SPATS2: variants seen among roughly 807,000 people sequenced by gnomAD.
The protein encoded by SPATS2 is spermatogenesis associated serine rich 2.
Under a neutral mutation model 63.7 loss-of-function variants are expected in SPATS2, and 38 were observed. The ratio of observed to expected loss-of-function variants is 0.60; its 90% CI spans 0.46 to 0.78. The LOEUF is 0.78. Among genes scored for constraint, SPATS2 ranks in the 30% least tolerant of loss-of-function variants. SPATS2 has a pLI of 0.00. For synonymous variants in SPATS2, 207 were observed against 232.9 expected, an observed-to-expected ratio of 0.89 and a Z score of 1.01; for missense variants, 588 against 666.2, an observed-to-expected ratio of 0.88 and a Z score of 1.29.
At chr12:49,423,987 G>C (rs1338929162) in intron 2 of SPATS2, among the ~76,000 whole-genome samples, 1 of 152,126 alleles carries the variant, frequency 6.6e-6, no homozygotes, top group Non-Finnish European at 1.5e-5. Flanking sequence ...CAAATCACTT[G>C]AGGTTAGGAG....
At chr12:49,498,139 A>ATATATATATATATATAT (rs1555191141) in intron 8 of SPATS2, among the ~76,000 whole-genome samples, 8 of 84,246 alleles carry the variant, frequency 9.5e-5, no homozygotes, top group African/African-American at 5.1e-4. Context: ...AGCCAAAAAA[A>ATATATATATATATATAT]AAAAAAATAT....
At chr12:49,427,984 G>A (rs939647739) in intron 2 of SPATS2, among the ~76,000 whole-genome samples, 11 of 151,508 alleles carry the variant, frequency 7.3e-5, no homozygotes, top group East Asian at 5.8e-4. Flanking sequence ...GGCCGGGCGC[G>A]GTGGCTCATG....
intron 2 of SPATS2, among the ~76,000 whole-genome samples, chr12:49,406,794 C>T (rs750142859): frequency 2.2e-4 from 34 of 151,924 alleles, no homozygotes; most frequent in Admixed American, 9.2e-4. Flanking sequence ...AGTAAGAATT[C>T]GTCTTGATAC....
chr12:49,369,030 CTTT>C (rs35158946), intron 1 of SPATS2, among the ~76,000 whole-genome samples: 2,487 of 102,294 alleles, frequency 0.024, 9 homozygotes, highest in Middle Eastern at 0.065. Flanking sequence ...CAATGTGCCT[CTTT>C]TTTTTTTTTT....
intron 2 of SPATS2, among the ~76,000 whole-genome samples, chr12:49,443,066 A>G (rs1945450843): frequency 6.6e-6 from 1 of 152,142 alleles, no homozygotes; most frequent in Admixed American, 6.6e-5. Context: ...TCCTTGTAGC[A>G]TGTGTCAGAA....
intron 3 of SPATS2, among the ~76,000 whole-genome samples, chr12:49,475,427 C>CTTG (rs111655814): frequency 0.096 from 14,552 of 151,350 alleles, 796 homozygotes; most frequent in African/African-American, 0.15. Flanking sequence ...TGGTAGAATT[C>CTTG]TTGTTGTTGT....
At chr12:49,371,836 A>C (rs1312982237) in intron 2 of SPATS2, among the ~76,000 whole-genome samples, 2 of 152,070 alleles carry the variant, frequency 1.3e-5, no homozygotes, top group Admixed American at 1.3e-4. Context: ...ATTCATGAGA[A>C]ACCACCCCAA....
intron 4 of SPATS2, 126 bp downstream of exon 4, chr12:49,484,795 T>C (rs2137836392): frequency 1.3e-6 from 1 of 744,454 alleles, no homozygotes; most frequent in Non-Finnish European, 2.2e-6. Flanking sequence ...TGCCACTATA[T>C]ATCAGAGAGT....
At chr12:49,374,189 G>C (rs942596208) in intron 2 of SPATS2, among the ~76,000 whole-genome samples, 4 of 152,142 alleles carry the variant, frequency 2.6e-5, no homozygotes, top group Non-Finnish European at 4.4e-5. Flanking sequence ...GGAGTGCAGT[G>C]GTGCCATCAT....
intron 7 of SPATS2, 121 bp downstream of exon 7, chr12:49,495,123 CT>C: frequency 9.6e-7 from 1 of 1,036,936 alleles, no homozygotes; most frequent in Non-Finnish European, 1.3e-6. Context: ...GCTGATTAGT[CT>C]TTTTACTTTT....
chr12:49,484,782 C>G, intron 4 of SPATS2, 113 bp downstream of exon 4: 1 of 863,996 alleles, frequency 1.2e-6, no homozygotes, highest in Non-Finnish European at 1.8e-6. Context: ...AAGAATAAAA[C>G]AATGCCACTA....
intron 9 of SPATS2, among the ~76,000 whole-genome samples, chr12:49,500,889 C>G (rs557716480): frequency 1.3e-5 from 2 of 152,212 alleles, no homozygotes; most frequent in South Asian, 4.1e-4. Flanking sequence ...GCTTTCCTAC[C>G]TTCTTCCATC....
intron 2 of SPATS2, among the ~76,000 whole-genome samples, chr12:49,435,638 C>CT (rs34420984): frequency 0.063 from 6,058 of 95,818 alleles, 389 homozygotes; most frequent in Admixed American, 0.11. Context: ...TGAATGGTTT[C>CT]TTTTTTTTTT....
intron 3 of SPATS2, among the ~76,000 whole-genome samples, chr12:49,464,128 A>G (rs922312267): frequency 6.6e-6 from 1 of 152,188 alleles, no homozygotes; most frequent in Non-Finnish European, 1.5e-5. Flanking sequence ...TAATTTAAAT[A>G]CCTTAAAATT....
chr12:49,482,486 C>G (rs574971221), intron 3 of SPATS2, among the ~76,000 whole-genome samples: 1 of 152,112 alleles, frequency 6.6e-6, no homozygotes, highest in African/African-American at 2.4e-5. Flanking sequence ...TAACTGCTTC[C>G]TCCTCACACT....
rs185020319 is a variant in SPATS2, at chr12:49,429,862, C to T, written c.-243-30908C>T. Among the ~76,000 whole-genome samples the T allele has an allele frequency of 1.7e-3, 263 of 151,000 alleles. 3 individuals carry two copies. Among genetic ancestry groups the T allele is most frequent in the African/African-American group, 6.2e-3 (255 of 41,152 alleles). On this transcript the variant is annotated intron_variant, in intron 2 of 13. Coordinates refer to ENST00000552918, the MANE Select transcript of SPATS2 (RefSeq NM_023071.4). ...GTGGCATGATCTCAGCTCACTGCAA[C>T]CTCCGCCTCCTGGGTTCAAGTGATT...
chr12:49,410,295 C>G (rs746171775), intron 2 of SPATS2, among the ~76,000 whole-genome samples: 1 of 152,018 alleles, frequency 6.6e-6, no homozygotes, highest in Non-Finnish European at 1.5e-5. Context: ...ATGCTGGTCT[C>G]GAACTCCTGA....
At chr12:49,525,634 A>G (rs1947019320) in intron 13 of SPATS2, among the ~76,000 whole-genome samples, 1 of 152,194 alleles carries the variant, frequency 6.6e-6, no homozygotes, top group African/African-American at 2.4e-5. Flanking sequence ...AATATAATAT[A>G]CTTGTCCAAT....
chr12:49,461,129 T>C, intron 3 of SPATS2, 92 bp downstream of exon 3: 1 of 1,336,936 alleles, frequency 7.5e-7, no homozygotes, highest in Non-Finnish European at 1.1e-6. Context: ...TTCTAATGTG[T>C]TTTGAATGGT....
Sources: gnomAD v4.1 joint callset for allele counts (sites outside exome capture counted in the v4.1 genomes callset) on GRCh38, gnomAD v4.1.1 for gene constraint, MANE v1.5 for transcripts, NCBI Gene and HGNC (gene_info 2026-07-23, HGNC 2026-07-21) for gene names.